The following UBAP1 variants were observed in gnomAD, a reference collection of about 807,000 sequenced individuals.
The protein encoded by UBAP1 is ubiquitin associated protein 1.
UBAP1 carries 5 observed loss-of-function variants against 39.0 expected under a neutral mutation model. The observed-to-expected ratio is 0.13, with a 90% CI of 0.07 to 0.27. The LOEUF (loss-of-function observed/expected upper bound fraction) is 0.27. UBAP1 is among the 10% of genes least tolerant of loss of function. UBAP1 has a pLI of 1.00. For missense variants in UBAP1, 490 were observed against 608.1 expected (o/e 0.81, Z 2.04); for synonymous variants, 211 against 225.1 (o/e 0.94, Z 0.56).
chr9:34,230,752 CT>C lies in UBAP1; in HGVS notation c.35-3463del, dbSNP rs1236975148. ...GTGGTGCTGGGGCGGGGGATGACAT[CT>C]GTCTGGTACATTTTTGTAACTTTGT... On this transcript the variant is annotated intron_variant, in intron 2 of 6. Coordinates refer to ENST00000297661, the MANE Select transcript of UBAP1 (RefSeq NM_016525.5). 3.3e-5 allele frequency among the ~76,000 whole-genome samples: 5 copies of C among 152,286 alleles called. No individual in the cohort carries two copies. In the East Asian group the frequency reaches 9.6e-4, roughly 29 times the overall value.
rs1457612976 is a variant in UBAP1, at chr9:34,222,564, G to A, written c.34+1616G>A. Among the ~76,000 whole-genome samples, 9 of 152,122 alleles carry A rather than the reference G, an allele frequency of 5.9e-5. No homozygotes were observed. The East Asian group carries it at 1.7e-3, about 29-fold the overall frequency. ...CCCAACAGTAGATTAGGAGGTTGAG[G>A]TGAGAGGATCGCTTGAGGCCAGGAG... On this transcript the variant is annotated intron_variant, in intron 2 of 6. Coordinates refer to ENST00000297661, the MANE Select transcript of UBAP1 (RefSeq NM_016525.5).
intron 1 of UBAP1, among the ~76,000 whole-genome samples, chr9:34,211,005 T>C (rs1283082536): frequency 6.6e-6 from 1 of 152,108 alleles, no homozygotes; most frequent in Non-Finnish European, 1.5e-5. Flanking sequence ...GCTTGGGTTT[T>C]ATGGATCAGT....
intron 2 of UBAP1, among the ~76,000 whole-genome samples, chr9:34,222,664 G>C (rs1832823989): frequency 6.6e-6 from 1 of 152,002 alleles, no homozygotes; most frequent in Non-Finnish European, 1.5e-5. Context: ...GGGTATGCTG[G>C]TATGTGCCTG....
intron 1 of UBAP1, among the ~76,000 whole-genome samples, chr9:34,208,392 C>T (rs1295637510): frequency 2.0e-5 from 3 of 152,156 alleles, no homozygotes; most frequent in Non-Finnish European, 4.4e-5. Flanking sequence ...CCTGTAATCC[C>T]AGCACTTTGG....
chr9:34,205,848 C>T (rs1188043119), intron 1 of UBAP1, among the ~76,000 whole-genome samples: 2 of 152,046 alleles, frequency 1.3e-5, no homozygotes, highest in Non-Finnish European at 2.9e-5. Flanking sequence ...AAAAATTAGC[C>T]AGGTGTGGTG....
rs1164635267 is a variant in UBAP1 at position 34,241,846 on chromosome 9, A to G, written c.821A>G (p.Asp274Gly). ...CTGTCTTTCCCCAAACTTGACTCTGATGACAGCAATCAGAAGACAGCCAAG... is the reference window on the plus strand; with the variant it reads ...CTGTCTTTCCCCAAACTTGACTCTGGTGACAGCAATCAGAAGACAGCCAAG... ...KSLSFPKLDS[D>G]DSNQKTAKLA... Residue 274 changes from aspartate (D) to glycine (G), a missense_variant, in exon 4 of 7, where the codon GAT becomes GGT. This residue lies in a region of UBAP1 where 339 missense variants were observed against 390.0 expected (regional missense o/e 0.87). Coordinates refer to ENST00000297661, the MANE Select transcript of UBAP1 (RefSeq NM_016525.5). 1 of 1,614,016 alleles carries G rather than the reference A, an allele frequency of 6.2e-7. No homozygotes were observed. Among genetic ancestry groups the G allele is most frequent in the African/African-American group, 1.3e-5 (1 of 74,902 alleles).
intron 4 of UBAP1, among the ~76,000 whole-genome samples, chr9:34,244,464 C>CT (rs969662044): frequency 6.0e-4 from 41 of 68,134 alleles, no homozygotes; most frequent in African/African-American, 8.3e-4. Flanking sequence ...TCACTTTACT[C>CT]TTTTTTTTTT....
chr9:34,241,854 A>T lies in UBAP1; in HGVS notation c.829A>T (p.Asn277Tyr). Residue 277 changes from asparagine to tyrosine, a missense_variant, in exon 4 of 7, where the codon AAT becomes TAT. By Grantham distance (143) the Asn-to-Tyr change is moderately radical (BLOSUM62 -2). Transcript: ENST00000297661. ...CCCCAAACTTGACTCTGATGACAGCAATCAGAAGACAGCCAAGCTGGCGAG... is the reference window on the plus strand; with the variant it reads ...CCCCAAACTTGACTCTGATGACAGCTATCAGAAGACAGCCAAGCTGGCGAG... The part of the protein sequence containing the change: ...SFPKLDSDDS[N>Y]QKTAKLASTF... The T allele has an allele frequency of 6.2e-7, 1 of 1,614,170 alleles. No individual in the cohort carries two copies. Among genetic ancestry groups the T allele is most frequent in the South Asian group, 1.1e-5 (1 of 91,086 alleles).
At chr9:34,231,176 TTGGG>T (rs1833396704) in intron 2 of UBAP1, among the ~76,000 whole-genome samples, 2 of 135,156 alleles carry the variant, frequency 1.5e-5, no homozygotes, top group African/African-American at 2.9e-5. Flanking sequence ...TGTGTGTGTG[TTGGG>T]GTCGGGGTTA....
At chr9:34,180,795 C>CTTTT (rs11285458) in intron 1 of UBAP1, among the ~76,000 whole-genome samples, 1 of 144,246 alleles carries the variant, frequency 6.9e-6, no homozygotes, top group Non-Finnish European at 1.5e-5. Flanking sequence ...GGAAAAAAAA[C>CTTTT]TTTTTTTTTT....
intron 1 of UBAP1, among the ~76,000 whole-genome samples, chr9:34,193,663 T>C (rs548095874): frequency 8.7e-4 from 133 of 152,330 alleles, no homozygotes; most frequent in African/African-American, 3.0e-3. Flanking sequence ...ATTTATTGGT[T>C]TATTCTGAAG....
At chr9:34,213,056 C>T (rs999229358) in intron 1 of UBAP1, among the ~76,000 whole-genome samples, 4 of 152,118 alleles carry the variant, frequency 2.6e-5, no homozygotes, top group Admixed American at 2.0e-4. Context: ...ATATTTAAGT[C>T]AATAAATGTG....
At chr9:34,197,138 G>C (rs1831114325) in intron 1 of UBAP1, among the ~76,000 whole-genome samples, 1 of 152,070 alleles carries the variant, frequency 6.6e-6, no homozygotes, top group African/African-American at 2.4e-5. Flanking sequence ...ATGTTGGCCA[G>C]GCTGGCGTTG....
intron 1 of UBAP1, among the ~76,000 whole-genome samples, chr9:34,218,586 G>A (rs1832479475): frequency 6.6e-6 from 1 of 152,162 alleles, no homozygotes; most frequent in African/African-American, 2.4e-5. Context: ...TTTCTGGTAT[G>A]TGCCTACGTG....
intron 1 of UBAP1, among the ~76,000 whole-genome samples, chr9:34,217,202 T>A (rs1401359405): frequency 6.6e-6 from 1 of 152,148 alleles, no homozygotes; most frequent in African/African-American, 2.4e-5. Context: ...GTCATCTGAT[T>A]TACCATCCTG....
At chr9:34,230,121 T>G (rs1265427631) in intron 2 of UBAP1, among the ~76,000 whole-genome samples, 2 of 152,196 alleles carry the variant, frequency 1.3e-5, no homozygotes, top group East Asian at 1.9e-4. Flanking sequence ...TGGAGTGCAG[T>G]GGTGTGATCT....
intron 1 of UBAP1, among the ~76,000 whole-genome samples, chr9:34,211,648 G>C (rs973387632): frequency 6.6e-6 from 1 of 151,990 alleles, no homozygotes; most frequent in Non-Finnish European, 1.5e-5. Context: ...CTGGTCCTTC[G>C]CAAGGTGTTT....
chr9:34,223,580 A>T (rs895885884), intron 2 of UBAP1, among the ~76,000 whole-genome samples: 2 of 151,842 alleles, frequency 1.3e-5, no homozygotes, highest in Admixed American at 6.6e-5. Context: ...TAGCCTCCCG[A>T]GTAGCTGGGA....
chr9:34,246,214 G>C (rs555787722), intron 4 of UBAP1, among the ~76,000 whole-genome samples: 42 of 152,180 alleles, frequency 2.8e-4, no homozygotes, highest in Non-Finnish European at 7.4e-5. Context: ...CTACAGGCAC[G>C]TGCCACCACA....
Sources: gnomAD v4.1 joint callset for allele counts (sites outside exome capture counted in the v4.1 genomes callset) on GRCh38, gnomAD v4.1.1 for gene constraint, gnomAD v4.1.1 regional missense constraint, MANE v1.5 for transcripts, NCBI Gene and HGNC (gene_info 2026-07-23, HGNC 2026-07-21) for gene names.